KDM4C: variants seen among roughly 807,000 people sequenced by gnomAD.
KDM4C encodes the protein lysine demethylase 4C, also known as lysine-specific demethylase 4C.
In KDM4C, 81 loss-of-function variants were observed where a neutral mutation model predicts 129.3. That is an observed-to-expected ratio of 0.63 (90% CI 0.52 to 0.75). The LOEUF is 0.75. KDM4C is among the 30% of genes least tolerant of loss of function. The pLI, the probability that KDM4C is intolerant of heterozygous loss-of-function variation, is 0.00. For missense variants in KDM4C, 1,457 were observed against 1,304.0 expected, an observed-to-expected ratio of 1.12 and a Z score of -1.81; for synonymous variants, 573 against 456.1, an observed-to-expected ratio of 1.26 and a Z score of -3.26.
chr9:6,949,676 C>CA (rs534099594), intron 8 of KDM4C, among the ~76,000 whole-genome samples: 1,616 of 151,830 alleles, frequency 0.011, 33 homozygotes, highest in African/African-American at 0.034. Flanking sequence ...CCGTCTCCAC[C>CA]AAAAAAAATA....
At chr9:7,103,930 G>C (rs1837392842) in intron 18 of KDM4C, 60 bp downstream of exon 18, 1 of 1,447,270 alleles carries the variant, frequency 6.9e-7, no homozygotes, top group Non-Finnish European at 9.7e-7. Flanking sequence ...TCCTGTTTTA[G>C]ACTACCTCCC....
chr9:6,862,487 G>A (rs895616450), intron 5 of KDM4C, among the ~76,000 whole-genome samples: 2 of 152,108 alleles, frequency 1.3e-5, no homozygotes, highest in African/African-American at 4.8e-5. Context: ...TAAAGAAGCT[G>A]TACAGGTAGT....
At chr9:6,938,703 G>A (rs191776994) in intron 8 of KDM4C, among the ~76,000 whole-genome samples, 2 of 152,282 alleles carry the variant, frequency 1.3e-5, no homozygotes, top group East Asian at 3.9e-4. Context: ...TTAGTGGTTT[G>A]TCAGTCTTCT....
intron 19 of KDM4C, among the ~76,000 whole-genome samples, chr9:7,133,953 A>G (rs1471657132): frequency 1.9e-4 from 29 of 152,160 alleles, no homozygotes; most frequent in Admixed American, 1.8e-3. Flanking sequence ...AGCCATGCAT[A>G]TATGGCATTG....
At chr9:6,775,862 C>T (rs1049055527) in intron 1 of KDM4C, among the ~76,000 whole-genome samples, 1 of 152,126 alleles carries the variant, frequency 6.6e-6, no homozygotes. Context: ...TGTTTTGGTG[C>T]TTGGTAATTC....
At chr9:6,967,280 C>T (rs573437665) in intron 8 of KDM4C, among the ~76,000 whole-genome samples, 4 of 152,020 alleles carry the variant, frequency 2.6e-5, no homozygotes, top group South Asian at 2.1e-4. Flanking sequence ...AAATATTAGC[C>T]GGGCTTGGTG....
At chr9:7,165,146 C>G (rs899819498) in intron 19 of KDM4C, 92 bp from the exon 20 acceptor site, 5 of 1,479,746 alleles carry the variant, frequency 3.4e-6, no homozygotes, top group Non-Finnish European at 4.6e-6. Flanking sequence ...GCAATAACTC[C>G]TTTTAATTGC....
Position 7,014,915 on chromosome 9 carries a change from AACACACACACACACACACACAC to A in KDM4C, c.2183-921_2183-900del, listed in dbSNP as rs55864882. Among the ~76,000 whole-genome samples the A allele has an allele frequency of 2.5e-3, 359 of 146,276 alleles. 4 individuals are homozygous for A. The highest frequency in any genetic ancestry group is 8.7e-3 in the African/African-American group (343 of 39,570). ...TCTTTTTGTATTGAAGGCAATTTGT[AACACACACACACACACACACAC>A]ACACACACACACACACCTTACATTA... is the stretch of plus-strand genomic sequence containing the variant. On this transcript the variant is annotated intron_variant, in intron 14 of 21. Transcript: ENST00000381309.
In KDM4C at chr9:6,773,061, G is replaced by A. The variant is rs114193267; in HGVS notation, c.-18+14858G>A. ...GTCACTCAGGCTAGAGTGGAGTGGT[G>A]AGATCATGGCTCACTGCAGCCTCGA... On this transcript the variant is annotated intron_variant, in intron 1 of 21. Coordinates refer to ENST00000381309, the MANE Select transcript of KDM4C (RefSeq NM_015061.6). Among the ~76,000 whole-genome samples, 830 of 151,582 alleles carry A rather than the reference G, an allele frequency of 5.5e-3. 4 individuals are homozygous for A. The highest frequency in any genetic ancestry group is 0.018 in the African/African-American group (761 of 41,270).
chr9:7,145,263 A>G (rs1020220102), intron 19 of KDM4C, among the ~76,000 whole-genome samples: 7 of 152,138 alleles, frequency 4.6e-5, no homozygotes, highest in Admixed American at 1.3e-4. Context: ...CATATTCTCT[A>G]TGCTTTGGTG....
chr9:6,895,951 T>G (rs1816354156), intron 8 of KDM4C, among the ~76,000 whole-genome samples: 1 of 152,192 alleles, frequency 6.6e-6, no homozygotes, highest in South Asian at 2.1e-4. Context: ...TAAGCTGAGT[T>G]AGCATTTTTT....
chr9:6,763,944 A>G (rs1046064193), intron 1 of KDM4C, among the ~76,000 whole-genome samples: 1 of 152,058 alleles, frequency 6.6e-6, no homozygotes, highest in African/African-American at 2.4e-5. Context: ...TTTAGTAGAG[A>G]CGGAGGGTTT....
intron 1 of KDM4C, among the ~76,000 whole-genome samples, chr9:6,776,762 C>T (rs539648720): frequency 3.3e-5 from 5 of 151,914 alleles, no homozygotes; most frequent in South Asian, 2.1e-4. Context: ...CCACCACGCC[C>T]GGGTAATTTT....
chr9:7,149,483 C>T (rs1412463206), intron 19 of KDM4C, among the ~76,000 whole-genome samples: 1 of 152,230 alleles, frequency 6.6e-6, no homozygotes, highest in African/African-American at 2.4e-5. Flanking sequence ...CCTGCCAGCT[C>T]AGTAGGGCAC....
intron 8 of KDM4C, among the ~76,000 whole-genome samples, chr9:6,945,361 A>G (rs1278609549): frequency 2.0e-5 from 3 of 152,340 alleles, no homozygotes; most frequent in East Asian, 1.9e-4. Context: ...GAAAATGTAT[A>G]TATAAATATT....
intron 7 of KDM4C, among the ~76,000 whole-genome samples, chr9:6,890,721 T>C (rs886644652): frequency 2.6e-5 from 4 of 152,158 alleles, no homozygotes; most frequent in African/African-American, 7.2e-5. Flanking sequence ...AAAAGTAGTT[T>C]TCTTGTTCCA....
chr9:7,099,502 T>C (rs1356522616), intron 17 of KDM4C, among the ~76,000 whole-genome samples: 1 of 152,204 alleles, frequency 6.6e-6, no homozygotes, highest in African/African-American at 2.4e-5. Flanking sequence ...CTGAGGATTC[T>C]CTCAGCCCTT....
intron 19 of KDM4C, among the ~76,000 whole-genome samples, chr9:7,149,086 C>T (rs868453249): frequency 3.3e-5 from 5 of 152,212 alleles, no homozygotes; most frequent in Non-Finnish European, 5.9e-5. Flanking sequence ...AGGTTTTCTG[C>T]ACCAAGGGGC....
At chr9:6,888,671 A>G (rs1312342256) in intron 7 of KDM4C, among the ~76,000 whole-genome samples, 1 of 152,164 alleles carries the variant, frequency 6.6e-6, no homozygotes, top group Non-Finnish European at 1.5e-5. Flanking sequence ...GAAGCAGCTG[A>G]TATGAAAAAA....
Sources: allele counts gnomAD v4.1 joint callset (sites outside exome capture counted in the v4.1 genomes callset), GRCh38; gene constraint gnomAD v4.1.1; transcripts MANE v1.5; gene names NCBI Gene and HGNC (gene_info 2026-07-23, HGNC 2026-07-21).